Variants in MNT observed in about 807,000 individuals in gnomAD.
The protein encoded by MNT is MAX network transcriptional repressor.
Under a neutral mutation model 40.7 loss-of-function variants are expected in MNT, and 13 were observed. The observed-to-expected ratio is 0.32, with a 90% CI of 0.21 to 0.51. MNT has a LOEUF of 0.51. Ranked by LOEUF, MNT falls within the 20% of genes least tolerant of loss-of-function variation. The pLI, the probability that MNT is intolerant of heterozygous loss-of-function variation, is 0.98. For missense variants in MNT, 757 were observed against 792.0 expected, an observed-to-expected ratio of 0.96 and a Z score of 0.53; for synonymous variants, 426 against 354.8, an observed-to-expected ratio of 1.20 and a Z score of -2.26.
At chr17:2,388,261 G>A (rs190659280) in intron 4 of MNT, 34 of 539,688 alleles carry the variant, frequency 6.3e-5, no homozygotes, top group Non-Finnish European at 1.0e-4. Flanking sequence ...GGGCTCTTGG[G>A]ACAGGCACCA....
At position 2,384,160 on chromosome 17, in the gene MNT, A is replaced by G. The variant is rs2066435311; in HGVS notation, c.*2741T>C. On this transcript the variant is annotated 3_prime_UTR_variant, in exon 6 of 6. Coordinates refer to ENST00000174618, the MANE Select transcript of MNT (RefSeq NM_020310.3). Reference sequence around the variant, plus strand: ...GGATAGTATTCATGTCTCGGTAACTAAAGTCTTGGAGCATGAACAGCCACT... The same window carrying G: ...GGATAGTATTCATGTCTCGGTAACTGAAGTCTTGGAGCATGAACAGCCACT... 6.6e-6 allele frequency: 1 copy of G among 152,560 alleles called. No homozygotes were observed. Among genetic ancestry groups the G allele is most frequent in the Admixed American group, 6.5e-5 (1 of 15,274 alleles). The allele number at this position is 152,560 out of a possible 1,614,324, so 9.5% of individuals were successfully genotyped here. A position where few individuals can be genotyped will look rare whatever the true frequency, so the allele number is the denominator to read the frequency against.
rs1296539403 is a variant in MNT, at chr17:2,384,283, A to G, written c.*2618T>C. The G allele has an allele frequency of 6.6e-6, 1 of 152,278 alleles. No homozygotes were observed. Among genetic ancestry groups the G allele is most frequent in the African/African-American group, 2.4e-5 (1 of 41,334 alleles). The allele number at this position is 152,278 out of a possible 1,614,324, so 9.4% of individuals were successfully genotyped here. ...CAGCAGATGTATCCAAACACATAAA[A>G]ATCTCTACAGTCTGGGGTCGCTACA... is the stretch of plus-strand genomic sequence containing the variant. On this transcript the variant is annotated 3_prime_UTR_variant, in exon 6 of 6. Transcript: ENST00000174618.
intron 4 of MNT, chr17:2,392,190 T>G (rs1322715698): frequency 6.6e-6 from 1 of 152,224 alleles, no homozygotes; most frequent in African/African-American, 2.4e-5. Flanking sequence ...GCTTTTTTAC[T>G]TGCTCGCCAC....
chr17:2,396,710 G>C (rs1038059555), intron 1 of MNT: 1 of 152,298 alleles, frequency 6.6e-6, no homozygotes, highest in Non-Finnish European at 1.5e-5. Flanking sequence ...CCCTGGCTAC[G>C]GGGCTGGCCC....
intron 1 of MNT, among the ~76,000 whole-genome samples, chr17:2,398,836 A>C (rs1322465493): frequency 6.6e-6 from 1 of 152,170 alleles, no homozygotes; most frequent in Non-Finnish European, 1.5e-5. Context: ...GCTCTGGACC[A>C]TCAAGGCAAC....
rs1419024494 is a variant in MNT, at chr17:2,386,620, G to GGGAA, written c.*277_*280dup. On this transcript the variant is annotated 3_prime_UTR_variant, in exon 6 of 6. Transcript: ENST00000174618. The stretch of plus-strand genomic sequence containing the variant: ...CGCACTGATTTCCGAGGGTAGGGAG[G>GGGAA]GGAAGCAGGAGCGGCACTGGAGCTG... The GGGAA allele has an allele frequency of 2.4e-6, 1 of 410,106 alleles. No individual in the cohort carries two copies. Among genetic ancestry groups the GGGAA allele is most frequent in the Non-Finnish European group, 4.3e-6 (1 of 230,478 alleles). 25.4% of individuals were successfully genotyped at this position (410,106 alleles called of 1,614,324 possible). A position where few individuals can be genotyped will look rare whatever the true frequency, so the allele number is the denominator to read the frequency against.
chr17:2,387,152 G>A lies in MNT; in HGVS notation c.1498C>T (p.His500Tyr). The change falls in exon 6 of 6, where the codon CAT becomes TAT. Residue 500 changes from histidine (H) to tyrosine (Y), a missense_variant. By Grantham distance (83) the His-to-Tyr change is moderately conservative. Around this residue, in one of 4 missense-constraint regions of MNT, gnomAD observed 345 missense variants for 380.1 expected, o/e 0.91. Transcript: ENST00000174618. ...AGCTGGGAGCCCAGGTGGGCCACAT[G>A]GTTGAGGGTGGCAGGGTGCACAGTG... The part of the protein sequence containing the change: ...HITVHPATLN[H>Y]VAHLGSQLPL... 1 of 1,600,570 alleles carries A rather than the reference G, an allele frequency of 6.2e-7. No individual in the cohort carries two copies. Among genetic ancestry groups the A allele is most frequent in the Non-Finnish European group, 8.5e-7 (1 of 1,174,592 alleles).
At position 2,386,402 on chromosome 17, in the gene MNT, C is replaced by G. The variant is rs1163910044; in HGVS notation, c.*499G>C. ...GCTCAGAGCAAGGCCCCTTATCACC[C>G]CAATCCGCAGCTTTCTGGGCCAAGT... On this transcript the variant is annotated 3_prime_UTR_variant, in exon 6 of 6. Transcript: ENST00000174618. The G allele has an allele frequency of 1.9e-5, 3 of 156,468 alleles. No homozygotes were observed. Among genetic ancestry groups the G allele is most frequent in the Non-Finnish European group, 4.2e-5 (3 of 71,174 alleles). The allele number at this position is 156,468 out of a possible 1,614,324, so 9.7% of individuals were successfully genotyped here. A position where few individuals can be genotyped will look rare whatever the true frequency, so the allele number is the denominator to read the frequency against.
At position 2,400,827 on chromosome 17, in the gene MNT, C is replaced by A. The variant is rs1156630853; in HGVS notation, c.-115G>T. 3 of 748,184 alleles carry A rather than the reference C, an allele frequency of 4.0e-6. No homozygotes were observed. Among genetic ancestry groups the A allele is most frequent in the Non-Finnish European group, 4.0e-6 (2 of 503,502 alleles). The allele number at this position is 748,184 out of a possible 1,614,324, so 46.3% of individuals were successfully genotyped here. ...GGATCACCTCCGGGGGGCGACAGGG[C>A]TGGGCGGCGCAGCGCACTCCGCAGG... is the stretch of plus-strand genomic sequence containing the variant. On this transcript the variant is annotated 5_prime_UTR_variant, in exon 1 of 6. Coordinates refer to ENST00000174618, the MANE Select transcript of MNT (RefSeq NM_020310.3).
At chr17:2,399,813 C>G (rs897141506) in intron 1 of MNT, among the ~76,000 whole-genome samples, 1 of 152,174 alleles carries the variant, frequency 6.6e-6, no homozygotes, top group African/African-American at 2.4e-5. Flanking sequence ...ACATTCCAGG[C>G]GAGAGCGGGT....
intron 4 of MNT, 115 bp from the exon 5 acceptor site, chr17:2,388,164 C>T (rs1054930561): frequency 2.0e-5 from 20 of 985,318 alleles, no homozygotes; most frequent in Middle Eastern, 4.6e-4. Context: ...TGGCAACCAG[C>T]GGGCCCAGCC....
intron 1 of MNT, 41 bp downstream of exon 1, chr17:2,400,599 C>A (rs757973670): frequency 1.3e-6 from 2 of 1,551,634 alleles, no homozygotes; most frequent in Non-Finnish European, 1.7e-6. Flanking sequence ...TCACTCGCTT[C>A]CCCTTCCCCA....
intron 4 of MNT, chr17:2,393,696 C>T (rs953022062): frequency 6.4e-6 from 1 of 155,666 alleles, no homozygotes; most frequent in African/African-American, 2.4e-5. Context: ...CCGGGCCGCC[C>T]CATGCCCTTC....
At position 2,394,105 on chromosome 17, in the gene MNT, T is replaced by C. The variant is rs1159348793; in HGVS notation, c.745A>G (p.Asn249Asp). ...TTGGACGTCTTCTTGTCATCCACGT[T>C]GGGGATGTTCCGCTTCAGGGTCTCA... is the stretch of plus-strand genomic sequence containing the variant. Reference protein sequence around the residue: ...CFETLKRNIPNVDDKKTSNLS... With the variant: ...CFETLKRNIPDVDDKKTSNLS... The change falls in exon 4 of 6, where the codon AAC becomes GAC. Residue 249 changes from asparagine (N) to aspartate (D), a missense_variant. By Grantham distance (23) the Asn-to-Asp change is conservative (BLOSUM62 1). Transcript: ENST00000174618. 2 of 1,606,992 alleles carry C rather than the reference T, an allele frequency of 1.2e-6. No individual in the cohort carries two copies. Among genetic ancestry groups the C allele is most frequent in the East Asian group, 4.5e-5 (2 of 44,356 alleles).
At chr17:2,393,639 G>A (rs1202573205) in intron 4 of MNT, 1 of 153,038 alleles carries the variant, frequency 6.5e-6, no homozygotes, top group African/African-American at 2.4e-5. Context: ...CAGACATTCG[G>A]GCGGAATCTG....
intron 5 of MNT, 45 bp from the exon 6 acceptor site, chr17:2,387,694 G>A: frequency 1.2e-6 from 2 of 1,606,200 alleles, no homozygotes; most frequent in Non-Finnish European, 8.5e-7. Flanking sequence ...GGGCGGGGAA[G>A]CAAGTGGCTG....
intron 1 of MNT, among the ~76,000 whole-genome samples, chr17:2,396,123 CCCA>C (rs1177612143): frequency 6.6e-6 from 1 of 152,112 alleles, no homozygotes; most frequent in Non-Finnish European, 1.5e-5. Flanking sequence ...TCACAAGAGC[CCCA>C]CGTCACATCA....
At position 2,387,568 on chromosome 17, in the gene MNT, G is replaced by C; in HGVS notation, c.1082C>G (p.Pro361Arg). The C allele has an allele frequency of 6.2e-7, 1 of 1,614,082 alleles. No homozygotes were observed. The highest frequency in any genetic ancestry group is 8.5e-7 in the Non-Finnish European group (1 of 1,179,984). Residue 361 changes from proline (P) to arginine (R), a missense_variant, in exon 6 of 6, where the codon CCG becomes CGG. Coordinates refer to ENST00000174618, the MANE Select transcript of MNT (RefSeq NM_020310.3). ...TGGCAGGGTGGACTTCAGCAGCTCC[G>C]GCTGGGGACGATGGCTCAGCTTAGG... Reference protein sequence around the residue: ...GPPKLSHRPQPELLKSTLPPP... With the variant: ...GPPKLSHRPQRELLKSTLPPP...
At chr17:2,398,652 G>C (rs530951996) in intron 1 of MNT, among the ~76,000 whole-genome samples, 5 of 152,336 alleles carry the variant, frequency 3.3e-5, no homozygotes, top group African/African-American at 1.2e-4. Flanking sequence ...CACAGAAGTC[G>C]TGACCAGGCC....
Sources: allele counts gnomAD v4.1 joint callset (sites outside exome capture counted in the v4.1 genomes callset), GRCh38; gene constraint gnomAD v4.1.1; regional missense constraint gnomAD v4.1.1; transcripts MANE v1.5; gene names NCBI Gene and HGNC (gene_info 2026-07-23, HGNC 2026-07-21).